Variants in HPS1 observed in about 807,000 individuals in gnomAD.
HPS1 encodes BLOC-3 complex member HPS1.
Under a neutral mutation model 90.6 loss-of-function variants are expected in HPS1, and 59 were observed. That is an observed-to-expected ratio of 0.65 (90% CI 0.53 to 0.81). HPS1 has a LOEUF of 0.81. HPS1 is among the 30% of genes least tolerant of loss of function. The pLI, the probability that HPS1 is intolerant of heterozygous loss-of-function variation, is 0.00. For synonymous variants in HPS1, 388 were observed against 384.4 expected (o/e 1.01, Z -0.11); for missense variants, 849 against 896.7 (o/e 0.95, Z 0.68).
rs1845491815 is a variant in HPS1 at position 98,425,574 on chromosome 10, C to A, written c.1302G>T (p.Lys434Asn). 6.2e-7 allele frequency: 1 copy of A among 1,613,464 alleles called. No individual in the cohort carries two copies. Residue 434 changes from lysine (K) to asparagine (N), a missense_variant, in exon 13 of 20, where the codon AAG becomes AAT. By Grantham distance (94) the Lys-to-Asn change is moderately conservative. Transcript: ENST00000361490. ...LVGDLRQRMD[K>N]FVKNRGAQEI... Reference sequence around the variant, plus strand: ...CCTGTGCCCCTCGATTCTTGACAAACTTGTCCATCCTCTGGCGCAGGTCTC... The same window carrying A: ...CCTGTGCCCCTCGATTCTTGACAAAATTGTCCATCCTCTGGCGCAGGTCTC...
chr10:98,429,460 T>C, intron 10 of HPS1, 113 bp downstream of exon 10: 10 of 1,586,776 alleles, frequency 6.3e-6, no homozygotes, highest in Non-Finnish European at 8.6e-6. Flanking sequence ...CACGGGTACC[T>C]GCACTCAAGC....
At chr10:98,428,697 C>T (rs979078022) in intron 10 of HPS1, among the ~76,000 whole-genome samples, 48 of 128,152 alleles carry the variant, frequency 3.7e-4, no homozygotes, top group Admixed American at 2.8e-3. Context: ...CCACAGGACC[C>T]TTTTTTTTTT....
In HPS1 at chr10:98,416,770, A is replaced by G. The variant is rs1286039516; in HGVS notation, c.*794T>C. On this transcript the variant is annotated 3_prime_UTR_variant, in exon 20 of 20. Transcript: ENST00000361490. ...TCCCTGGGTCCATTCTGGGACAGGA[A>G]CTTCTCGGTTGGAAGAGAGGGGCTG... 6.6e-6 allele frequency: 1 copy of G among 152,184 alleles called. No homozygotes were observed. The highest frequency in any genetic ancestry group is 2.4e-5 in the African/African-American group (1 of 41,450). The allele number at this position is 152,184 out of a possible 1,614,324, so 9.4% of individuals were successfully genotyped here.
intron 10 of HPS1, chr10:98,429,355 T>C (rs1846042887): frequency 6.7e-7 from 1 of 1,490,442 alleles, no homozygotes; most frequent in Non-Finnish European, 8.9e-7. Flanking sequence ...TCAACAGCTT[T>C]AGGGATCAGT....
chr10:98,430,514 G>A (rs944327795), intron 8 of HPS1, 57 bp downstream of exon 8: 13 of 1,368,936 alleles, frequency 9.5e-6, no homozygotes, highest in Non-Finnish European at 1.3e-5. Context: ...TCTTCAGGCA[G>A]GTTTTCTGAA....
chr10:98,414,224 G>A (rs1035828566), downstream of HPS1: 2 of 152,100 alleles, frequency 1.3e-5, no homozygotes, highest in African/African-American at 4.8e-5. Flanking sequence ...GCTGCATGTT[G>A]AGTGCCGTCT....
At chr10:98,444,326 A>G (rs879523348) in intron 2 of HPS1, among the ~76,000 whole-genome samples, 1 of 151,066 alleles carries the variant, frequency 6.6e-6, no homozygotes, top group Non-Finnish European at 1.5e-5. Context: ...TTAACTATTC[A>G]CCCACTGGAA....
At chr10:98,426,079 T>C in intron 11 of HPS1, 94 bp from the exon 12 acceptor site, 1 of 1,152,452 alleles carries the variant, frequency 8.7e-7, no homozygotes, top group Non-Finnish European at 1.3e-6. Context: ...AATAATCATT[T>C]TTAGCTCCAA....
At chr10:98,415,691 C>T (rs556769928), downstream of HPS1, among the ~76,000 whole-genome samples, 10 of 152,246 alleles carry the variant, frequency 6.6e-5, no homozygotes, top group Non-Finnish European at 1.0e-4. Flanking sequence ...AGCGTCACCA[C>T]GACCAGGGCC....
Position 98,428,273 on chromosome 10 carries a change from C to A in HPS1, c.938-1009G>T, listed in dbSNP as rs181769261. On this transcript the variant is annotated intron_variant, in intron 10 of 19. Transcript: ENST00000361490. ...AGTGGTTGTCAACCTTGGCTACACA[C>A]GAAAATCATTTGGGGACTTTTACAA... Among the ~76,000 whole-genome samples, 3 of 152,298 alleles carry A rather than the reference C, an allele frequency of 2.0e-5. No homozygotes were observed. The South Asian group carries it at 6.2e-4, about 32-fold the overall frequency.
Position 98,417,590 on chromosome 10 carries a change from C to A in HPS1, c.2077G>T (p.Glu693Ter). The stretch of plus-strand genomic sequence containing the variant: ...TAGAGCAGGGGGATACGGGAGGCCT[C>A]CCAGAGGCGCCGGGCCAGCTGGCCG... The part of the protein sequence containing the change: ...QAGQLARRLW[E>*]ASRIPLL Residue 693 changes from glutamate to a stop codon, truncating the protein, a stop_gained, in exon 20 of 20, where the codon GAG becomes TAG. Coordinates refer to ENST00000361490, the MANE Select transcript of HPS1 (RefSeq NM_000195.5). LOFTEE classifies it high-confidence loss of function. This position sits in a 1 kb window ranked among gnomAD's most constrained non-coding sequence, Gnocchi z 4.2. The A allele has an allele frequency of 6.2e-7, 1 of 1,611,848 alleles. No homozygotes were observed. The highest frequency in any genetic ancestry group is 8.5e-7 in the Non-Finnish European group (1 of 1,179,484).
chr10:98,444,645 C>T (rs1182123354), intron 2 of HPS1, among the ~76,000 whole-genome samples: 1 of 152,246 alleles, frequency 6.6e-6, no homozygotes, highest in East Asian at 1.9e-4. Context: ...TGTGTTCCGT[C>T]ATCCCCATGT....
At position 98,429,823 on chromosome 10, in the gene HPS1, T is replaced by A; in HGVS notation, c.835A>T (p.Thr279Ser). The A allele has an allele frequency of 6.2e-7, 1 of 1,613,726 alleles. No homozygotes were observed. The highest frequency in any genetic ancestry group is 8.5e-7 in the Non-Finnish European group (1 of 1,179,996). The change falls in exon 9 of 20, where the codon ACG becomes TCG. Residue 279 changes from threonine to serine, a missense_variant. Coordinates refer to ENST00000361490, the MANE Select transcript of HPS1 (RefSeq NM_000195.5). ...GCAGAGCTCCCCCCAGTTGGGCCCGTGGAGTGAGGGCTCCAGGCCTGCTGC... is the reference window on the plus strand; with the variant it reads ...GCAGAGCTCCCCCCAGTTGGGCCCGAGGAGTGAGGGCTCCAGGCCTGCTGC... ...PVQQAWSPHS[T>S]GPTGGSSAET...
At position 98,433,995 on chromosome 10, in the gene HPS1, G is replaced by C; in HGVS notation, c.495C>G (p.Cys165Trp). The change falls in exon 6 of 20, where the codon TGC (cysteine) becomes TGG (tryptophan). Residue 165 changes from cysteine (C) to tryptophan (W), a missense_variant. Physicochemically the swap from Cys to Trp is radical, Grantham distance 215. Transcript: ENST00000361490. ...GCCCAGTAGTCACCTCCACGGCGAA[G>C]CACTGCTCCTGCTCCCGCAGGCGGC... is the stretch of plus-strand genomic sequence containing the variant. ...TYSRLREQEQ[C>W]FAVEALERLI... The C allele has an allele frequency of 6.4e-7, 1 of 1,558,866 alleles. No homozygotes were observed. Among genetic ancestry groups the C allele is most frequent in the Non-Finnish European group, 8.7e-7 (1 of 1,151,136 alleles).
rs981514946 is a variant in HPS1, at chr10:98,417,845, C to T, written c.1941-119G>A. ...TGCCCTCGGTCATCTCACTAGGCCCCTGCATGTGGGCCTTGACAACCGCTC... is the reference window on the plus strand; with the variant it reads ...TGCCCTCGGTCATCTCACTAGGCCCTTGCATGTGGGCCTTGACAACCGCTC... On this transcript the variant is annotated intron_variant, in intron 19 of 19. Transcript: ENST00000361490. This position sits in a 1 kb window ranked among gnomAD's most constrained non-coding sequence, Gnocchi z 4.2. The T allele has an allele frequency of 3.2e-6, 3 of 943,196 alleles. No individual in the cohort carries two copies. The Admixed American group carries it at 6.2e-5, about 19-fold the overall frequency. 58.4% of individuals were successfully genotyped at this position (943,196 alleles called of 1,614,324 possible). A position where few individuals can be genotyped will look rare whatever the true frequency, so the allele number is the denominator to read the frequency against.
chr10:98,429,427 G>C (rs1846056460), intron 10 of HPS1, 146 bp downstream of exon 10: 3 of 1,549,532 alleles, frequency 1.9e-6, no homozygotes, highest in Non-Finnish European at 2.6e-6. Flanking sequence ...GGGAGCCGCA[G>C]ACAGCGTCCT....
At chr10:98,427,617 C>G (rs1480497728) in intron 10 of HPS1, among the ~76,000 whole-genome samples, 1 of 152,074 alleles carries the variant, frequency 6.6e-6, no homozygotes, top group Non-Finnish European at 1.5e-5. Flanking sequence ...TGTTCTGTCC[C>G]CTGTATTCCT....
intron 10 of HPS1, among the ~76,000 whole-genome samples, chr10:98,427,784 C>T (rs1050360566): frequency 2.0e-5 from 3 of 152,192 alleles, no homozygotes; most frequent in African/African-American, 7.2e-5. Flanking sequence ...CTGAACCCAC[C>T]ACATATCTGA....
In HPS1 at chr10:98,423,280, C is replaced by CCG. The variant is rs34730930; in HGVS notation, c.1598+322_1598+323insCG. Among the ~76,000 whole-genome samples, 81 of 67,702 alleles carry CCG rather than the reference C, an allele frequency of 1.2e-3. 1 individual carries two copies. The East Asian group carries it at 0.02, about 17-fold the overall frequency. 44.4% of individuals were successfully genotyped at this position (67,702 alleles called of 152,430 possible). On this transcript the variant is annotated intron_variant, in intron 16 of 19. Coordinates refer to ENST00000361490, the MANE Select transcript of HPS1 (RefSeq NM_000195.5). ...TTTCAACCAAACTAGACCACAGGAA[C>CCG]CCCCCCCCCGGTCCCCACCCCTCGT...
Sources: gnomAD v4.1 joint callset for allele counts (sites outside exome capture counted in the v4.1 genomes callset) on GRCh38, gnomAD v4.1.1 for gene constraint, Gnocchi (gnomAD v3.1) non-coding constraint, MANE v1.5 for transcripts, NCBI Gene and HGNC (gene_info 2026-07-23, HGNC 2026-07-21) for gene names.